DOCK3: variants seen among roughly 807,000 people sequenced by gnomAD.
DOCK3 encodes dedicator of cytokinesis protein 3.
In DOCK3, 60 loss-of-function variants were observed where a neutral mutation model predicts 265.6. That is an observed-to-expected ratio of 0.23 (90% CI 0.18 to 0.28). The LOEUF (loss-of-function observed/expected upper bound fraction) is 0.28. Ranked by LOEUF, DOCK3 falls within the 10% of genes least tolerant of loss-of-function variation. The pLI, the probability that DOCK3 is intolerant of heterozygous loss-of-function variation, is 1.00. For missense variants in DOCK3, 1,981 were observed against 2,594.3 expected, an observed-to-expected ratio of 0.76 and a Z score of 5.14; for synonymous variants, 881 against 938.0, an observed-to-expected ratio of 0.94 and a Z score of 1.11.
intron 9 of DOCK3, among the ~76,000 whole-genome samples, chr3:51,094,315 G>A (rs1174999052): frequency 1.3e-5 from 2 of 152,030 alleles, no homozygotes; most frequent in Admixed American, 6.6e-5. Flanking sequence ...TATTTTGGTT[G>A]GTAGGCTACT....
intron 23 of DOCK3, among the ~76,000 whole-genome samples, chr3:51,262,988 A>G (rs896784526): frequency 6.6e-6 from 1 of 152,218 alleles, no homozygotes; most frequent in Non-Finnish European, 1.5e-5. Flanking sequence ...CAAGTTGGAA[A>G]ACACTCTTCA....
intron 2 of DOCK3, chr3:50,787,171 G>T: frequency 1.5e-6 from 1 of 646,920 alleles, no homozygotes; most frequent in Non-Finnish European, 2.8e-6. Flanking sequence ...TCACTTTCCA[G>T]GACAAACTTA....
intron 2 of DOCK3, among the ~76,000 whole-genome samples, chr3:50,804,046 CCTT>C (rs1456314388): frequency 9.9e-5 from 15 of 151,314 alleles, no homozygotes; most frequent in Non-Finnish European, 1.5e-5. Flanking sequence ...CAGAGACACT[CCTT>C]AGTTCCCAGA....
intron 3 of DOCK3, among the ~76,000 whole-genome samples, chr3:50,858,234 C>T (rs2046712170): frequency 6.6e-6 from 1 of 151,996 alleles, no homozygotes; most frequent in Non-Finnish European, 1.5e-5. Flanking sequence ...ACAATGAGAA[C>T]ACTTGGACAC....
intron 1 of DOCK3, among the ~76,000 whole-genome samples, chr3:50,714,087 TG>T (rs2036947224): frequency 1.3e-5 from 2 of 152,090 alleles, no homozygotes; most frequent in Admixed American, 1.3e-4. Flanking sequence ...CTCAAACTCC[TG>T]GGGTTATGTG....
At chr3:50,875,690 G>T (rs1163765683) in intron 3 of DOCK3, among the ~76,000 whole-genome samples, 1 of 152,074 alleles carries the variant, frequency 6.6e-6, no homozygotes, top group Non-Finnish European at 1.5e-5. Flanking sequence ...ATATGTTGTT[G>T]AATTTGAGTA....
At chr3:50,792,880 T>C (rs755749758) in intron 2 of DOCK3, among the ~76,000 whole-genome samples, 1 of 152,140 alleles carries the variant, frequency 6.6e-6, no homozygotes, top group Non-Finnish European at 1.5e-5. Flanking sequence ...GATATTGGCC[T>C]GTTCTCTGCC....
intron 9 of DOCK3, among the ~76,000 whole-genome samples, chr3:51,126,699 G>A (rs1465058925): frequency 1.3e-5 from 2 of 152,142 alleles, no homozygotes; most frequent in Non-Finnish European, 2.9e-5. Flanking sequence ...TTATTAGAGT[G>A]AAAACAACTG....
chr3:51,379,232 A>G (rs781887626), intron 51 of DOCK3, among the ~76,000 whole-genome samples: 39 of 151,848 alleles, frequency 2.6e-4, no homozygotes, highest in Admixed American at 2.4e-3. Context: ...ACATAAACTC[A>G]CTCTGTTGCC....
chr3:50,780,939 A>C (rs1023080033), intron 2 of DOCK3, among the ~76,000 whole-genome samples: 1 of 152,086 alleles, frequency 6.6e-6, no homozygotes. Flanking sequence ...ATTTCACTTA[A>C]CATAATGTCC....
At position 51,089,228 on chromosome 3, in the gene DOCK3, T is replaced by C. The variant is rs1183598276; in HGVS notation, c.550-15T>C. The stretch of plus-strand genomic sequence containing the variant: ...TTTCCCGGTAGAGTTTATTTTTCTT[T>C]CCTTCTTTCCATAGCATTTATCTAG... On this transcript the variant is annotated splice_polypyrimidine_tract_variant and intron_variant, in intron 7 of 52. Coordinates refer to ENST00000266037, the MANE Select transcript of DOCK3 (RefSeq NM_004947.5). 1 of 1,600,282 alleles carries C rather than the reference T, an allele frequency of 6.2e-7. No homozygotes were observed. Among genetic ancestry groups the C allele is most frequent in the East Asian group, 2.2e-5 (1 of 44,610 alleles).
chr3:51,045,411 A>G (rs910317781), intron 5 of DOCK3, among the ~76,000 whole-genome samples: 6 of 152,140 alleles, frequency 3.9e-5, no homozygotes, highest in Admixed American at 2.6e-4. Flanking sequence ...ATCAGAGATC[A>G]CTGATCACAC....
chr3:51,071,605 A>T (rs2109341006), intron 6 of DOCK3, among the ~76,000 whole-genome samples: 1 of 152,320 alleles, frequency 6.6e-6, no homozygotes. Context: ...TGGGTCCTTT[A>T]TGTGGATTAA....
At chr3:51,344,740 G>A (rs1201896842) in intron 38 of DOCK3, among the ~76,000 whole-genome samples, 1 of 152,206 alleles carries the variant, frequency 6.6e-6, no homozygotes, top group Non-Finnish European at 1.5e-5. Flanking sequence ...GGCAAAAGAT[G>A]TGGATGGGGA....
At chr3:51,121,668 G>A (rs1246328688) in intron 9 of DOCK3, among the ~76,000 whole-genome samples, 4 of 152,256 alleles carry the variant, frequency 2.6e-5, no homozygotes, top group South Asian at 2.1e-4. Flanking sequence ...TCTAAGAGGC[G>A]TAAGGAGAAA....
intron 12 of DOCK3, among the ~76,000 whole-genome samples, chr3:51,174,019 G>A (rs2107656334): frequency 6.6e-6 from 1 of 152,152 alleles, no homozygotes; most frequent in African/African-American, 2.4e-5. Flanking sequence ...AATTTCAAAT[G>A]ACCTGTCTTT....
At chr3:51,297,991 CA>C (rs929978572) in intron 27 of DOCK3, among the ~76,000 whole-genome samples, 8 of 150,666 alleles carry the variant, frequency 5.3e-5, no homozygotes, top group African/African-American at 1.9e-4. Flanking sequence ...ATCTCAAAAA[CA>C]AAAAAAGAGT....
At chr3:51,234,172 G>A (rs1338606765) in intron 19 of DOCK3, among the ~76,000 whole-genome samples, 1 of 152,016 alleles carries the variant, frequency 6.6e-6, no homozygotes, top group Non-Finnish European at 1.5e-5. Flanking sequence ...TTATCTTTTG[G>A]TAATAGCTCT....
intron 3 of DOCK3, chr3:50,863,569 C>T: frequency 2.7e-6 from 1 of 366,088 alleles, no homozygotes; most frequent in Non-Finnish European, 5.3e-6. Context: ...TTTTGCATCC[C>T]ATGTCCTTCC....
Sources: allele counts gnomAD v4.1 joint callset (sites outside exome capture counted in the v4.1 genomes callset), GRCh38; gene constraint gnomAD v4.1.1; transcripts MANE v1.5; gene names NCBI Gene and HGNC (gene_info 2026-07-23, HGNC 2026-07-21).